B4GALNT2: variants seen among roughly 807,000 people sequenced by gnomAD.
B4GALNT2 encodes N-acetylneuraminylgalactosylglucosyl-glucoside beta-1,4-N- acetylgalactosaminyltransferase 2.
A neutral mutation model predicts 51.1 loss-of-function variants in B4GALNT2; 42 were observed. The ratio of observed to expected loss-of-function variants is 0.82; its 90% CI spans 0.64 to 1.06. The LOEUF (loss-of-function observed/expected upper bound fraction) is 1.06. Among genes scored for constraint, B4GALNT2 ranks in the 50% least tolerant of loss-of-function variants. The pLI is 0.00. For synonymous variants in B4GALNT2, 253 were observed against 251.7 expected, an observed-to-expected ratio of 1.01 and a Z score of -0.05; for missense variants, 602 against 633.6, an observed-to-expected ratio of 0.95 and a Z score of 0.54.
chr17:49,138,670 T>G lies in B4GALNT2; in HGVS notation c.15-2577T>G, dbSNP rs112849073. Among the ~76,000 whole-genome samples, 373 of 152,212 alleles carry G rather than the reference T, an allele frequency of 2.5e-3. 6 individuals are homozygous for G. The highest frequency in any genetic ancestry group is 8.2e-3 in the African/African-American group (341 of 41,538). ...AGGCAGGCAGATCACCTGAGGTCAG[T>G]ATTTGAGACCAGCCTGGCCAACATG... On this transcript the variant is annotated intron_variant, in intron 1 of 10. Coordinates refer to ENST00000393354, the MANE Select transcript of B4GALNT2 (RefSeq NM_001159387.2).
rs769875715 is a variant in B4GALNT2, at chr17:49,141,250, G to A, written c.18G>A (p.Ser6=). ...CTGTTCTTTTGTGTCCCAACAGCTC[G>A]AGATTTCTGTGGCTCCTCAAGATAT... is the stretch of plus-strand genomic sequence containing the variant. The part of the protein sequence containing the change: MTSGG[S]RFLWLLKILV... Residue 6 remains serine (S), a synonymous_variant, in exon 2 of 11, where the codon TCG becomes TCA. Coordinates refer to ENST00000393354, the MANE Select transcript of B4GALNT2 (RefSeq NM_001159387.2). 5.6e-6 allele frequency: 9 copies of A among 1,613,568 alleles called. No homozygotes were observed. Among genetic ancestry groups the A allele is most frequent in the East Asian group, 4.5e-5 (2 of 44,878 alleles).
chr17:49,159,312 T>G, intron 6 of B4GALNT2, 95 bp downstream of exon 6: 1 of 1,340,474 alleles, frequency 7.5e-7, no homozygotes, highest in South Asian at 1.4e-5. Context: ...GCCTTCCTGT[T>G]TTTTGTGTTT....
intron 3 of B4GALNT2, among the ~76,000 whole-genome samples, chr17:49,152,112 C>G (rs1276561778): frequency 1.3e-5 from 2 of 152,114 alleles, no homozygotes; most frequent in East Asian, 1.9e-4. Flanking sequence ...CATGGTGGCT[C>G]TCTCCTATAG....
chr17:49,123,263 G>A, the B4GALNT2 span, among the ~76,000 whole-genome samples: 1 of 152,222 alleles, frequency 6.6e-6, no homozygotes, highest in African/African-American at 2.4e-5. Context: ...AGTGCCAGCA[G>A]TGAAGAGATT....
At chr17:49,155,871 C>T (rs920558788) in intron 4 of B4GALNT2, among the ~76,000 whole-genome samples, 2 of 151,566 alleles carry the variant, frequency 1.3e-5, no homozygotes, top group South Asian at 2.1e-4. Flanking sequence ...TACAGGCACC[C>T]GCCACCATGC....
At chr17:49,145,475 C>T (rs1232267808) in intron 3 of B4GALNT2, among the ~76,000 whole-genome samples, 1 of 152,198 alleles carries the variant, frequency 6.6e-6, no homozygotes, top group East Asian at 1.9e-4. Flanking sequence ...AGAGGAAATA[C>T]TCATGACAAT....
chr17:49,121,051 T>C, the B4GALNT2 span, among the ~76,000 whole-genome samples: 1 of 152,170 alleles, frequency 6.6e-6, no homozygotes, highest in South Asian at 2.1e-4. Flanking sequence ...TGACCCCTCA[T>C]CTTTTTCCTT....
chr17:49,120,484 CTGTGTGTG>C, the B4GALNT2 span, among the ~76,000 whole-genome samples: 2,751 of 144,120 alleles, frequency 0.019, 44 homozygotes, highest in South Asian at 0.084. Flanking sequence ...GTGTGTGTGT[CTGTGTGTG>C]TGTGTGTGTG....
intron 3 of B4GALNT2, among the ~76,000 whole-genome samples, chr17:49,148,008 T>C (rs954431574): frequency 5.3e-5 from 8 of 151,666 alleles, no homozygotes; most frequent in Non-Finnish European, 2.9e-5. Flanking sequence ...GTTTATTCAA[T>C]GCAAAATAAT....
chr17:49,159,260 A>C (rs373738918), intron 6 of B4GALNT2, 43 bp downstream of exon 6: 1 of 1,585,474 alleles, frequency 6.3e-7, no homozygotes, highest in East Asian at 2.2e-5. Flanking sequence ...AGGGATCCAG[A>C]AGATACCTCT....
chr17:49,131,695 G>C (rs112486946), upstream of B4GALNT2, among the ~76,000 whole-genome samples: 605 of 152,084 alleles, frequency 4.0e-3, 5 homozygotes, highest in African/African-American at 0.014. Flanking sequence ...ATTTTTAGTA[G>C]AGATGGGGTT....
At chr17:49,145,033 A>C (rs1326954164) in intron 3 of B4GALNT2, among the ~76,000 whole-genome samples, 1 of 152,068 alleles carries the variant, frequency 6.6e-6, no homozygotes, top group Non-Finnish European at 1.5e-5. Context: ...GATGGTGCCC[A>C]CCCAATTAAG....
intron 4 of B4GALNT2, among the ~76,000 whole-genome samples, chr17:49,156,315 T>G (rs1337507086): frequency 6.6e-6 from 1 of 152,174 alleles, no homozygotes; most frequent in Admixed American, 6.6e-5. Flanking sequence ...AGGAACTGAA[T>G]TAATTCACAG....
At chr17:49,135,372 A>G (rs2042580260) in intron 1 of B4GALNT2, among the ~76,000 whole-genome samples, 1 of 143,332 alleles carries the variant, frequency 7.0e-6, no homozygotes, top group African/African-American at 2.6e-5. Flanking sequence ...ACGGAGTTTC[A>G]CTTTGCAACC....
intron 3 of B4GALNT2, among the ~76,000 whole-genome samples, chr17:49,149,849 A>C (rs535282158): frequency 2.6e-5 from 4 of 152,272 alleles, no homozygotes; most frequent in African/African-American, 9.6e-5. Context: ...GTGAACTCAC[A>C]CTTTCATGAA....
chr17:49,155,212 T>A (rs2042797188), intron 4 of B4GALNT2, among the ~76,000 whole-genome samples: 1 of 147,718 alleles, frequency 6.8e-6, no homozygotes, highest in African/African-American at 2.5e-5. Flanking sequence ...TGAGGAGAAT[T>A]GCTTGATCCT....
chr17:49,145,624 A>G (rs903514743), intron 3 of B4GALNT2, among the ~76,000 whole-genome samples: 28 of 151,960 alleles, frequency 1.8e-4, no homozygotes, highest in Non-Finnish European at 2.1e-4. Flanking sequence ...AGTGACCCAA[A>G]CCTTCATTCC....
intron 1 of B4GALNT2, among the ~76,000 whole-genome samples, chr17:49,135,742 G>A (rs2042584090): frequency 6.6e-6 from 1 of 151,510 alleles, no homozygotes; most frequent in Non-Finnish European, 1.5e-5. Flanking sequence ...ACCAGCCAGG[G>A]CAACATAGTG....
intron 3 of B4GALNT2, among the ~76,000 whole-genome samples, chr17:49,145,719 TAA>T (rs2042688770): frequency 6.6e-6 from 1 of 152,184 alleles, no homozygotes; most frequent in African/African-American, 2.4e-5. Context: ...ATGGTAATAC[TAA>T]GAGACACCCT....
Sources: gnomAD v4.1 joint callset for allele counts (sites outside exome capture counted in the v4.1 genomes callset) on GRCh38, gnomAD v4.1.1 for gene constraint, MANE v1.5 for transcripts, NCBI Gene and HGNC (gene_info 2026-07-23, HGNC 2026-07-21) for gene names.